MYO3A: variants seen among roughly 807,000 people sequenced by gnomAD.
MYO3A encodes myosin IIIA.
A neutral mutation model predicts 192.7 loss-of-function variants in MYO3A; 180 were observed. That is an observed-to-expected ratio of 0.93 (90% confidence interval 0.83 to 1.06). The LOEUF is 1.06. Ranked by LOEUF, MYO3A falls within the 50% of genes least tolerant of loss-of-function variation. The pLI, the probability that MYO3A is intolerant of heterozygous loss-of-function variation, is 0.00. For missense variants in MYO3A, 1,896 were observed against 1,905.0 expected (o/e 1.00, Z 0.09); for synonymous variants, 628 against 645.3 (o/e 0.97, Z 0.41).
At chr10:26,135,215 G>C (rs1839776419) in intron 20 of MYO3A, among the ~76,000 whole-genome samples, 1 of 152,042 alleles carries the variant, frequency 6.6e-6, no homozygotes, top group African/African-American at 2.4e-5. Flanking sequence ...AAAGAACAGG[G>C]ATCTAGTAAA....
chr10:25,991,618 G>A (rs189112115), intron 4 of MYO3A, among the ~76,000 whole-genome samples: 12 of 152,244 alleles, frequency 7.9e-5, no homozygotes, highest in African/African-American at 2.9e-4. Context: ...TAATGCCTAG[G>A]TTTTCTCCTA....
At chr10:25,968,366 G>T (rs1013576370) in intron 4 of MYO3A, among the ~76,000 whole-genome samples, 14 of 152,100 alleles carry the variant, frequency 9.2e-5, no homozygotes, top group Admixed American at 7.9e-4. Flanking sequence ...AAAAAATGAA[G>T]AATTTACTGG....
At chr10:25,986,348 C>T (rs1839653151) in intron 4 of MYO3A, among the ~76,000 whole-genome samples, 1 of 152,172 alleles carries the variant, frequency 6.6e-6, no homozygotes, top group Non-Finnish European at 1.5e-5. Flanking sequence ...ACTCGAATTC[C>T]TTGCCAGAGC....
At chr10:26,102,216 C>T (rs1233174520) in intron 17 of MYO3A, among the ~76,000 whole-genome samples, 1 of 152,186 alleles carries the variant, frequency 6.6e-6, no homozygotes, top group Non-Finnish European at 1.5e-5. Flanking sequence ...GCATGCGTCA[C>T]ATAGTTCTCG....
Position 26,173,754 on chromosome 10 carries a change from G to A in MYO3A, c.3490G>A (p.Val1164Met). ...AAATAATAAAGGAAGTGTATCTGTA[G>A]TGAAGACTTCCACTTTCAAACCTGA... ...APNNKGSVSVVKTSTFKPEEE... is the reference protein window; with the variant it reads ...APNNKGSVSVMKTSTFKPEEE... Residue 1164 changes from valine (V) to methionine (M), a missense_variant, in exon 30 of 35, where the codon GTG (valine) becomes ATG (methionine). Coordinates refer to ENST00000642920, the MANE Select transcript of MYO3A (RefSeq NM_017433.5). 6.2e-7 allele frequency: 1 copy of A among 1,613,928 alleles called. No homozygotes were observed. Among genetic ancestry groups the A allele is most frequent in the Middle Eastern group, 1.6e-4 (1 of 6,062 alleles).
At chr10:26,071,678 T>C (rs1286176547) in intron 14 of MYO3A, among the ~76,000 whole-genome samples, 1 of 152,052 alleles carries the variant, frequency 6.6e-6, no homozygotes, top group East Asian at 1.9e-4. Flanking sequence ...CAATAAGAAA[T>C]GAAATGACAA....
intron 2 of MYO3A, among the ~76,000 whole-genome samples, chr10:25,941,285 A>G (rs1836469414): frequency 2.0e-5 from 3 of 152,232 alleles, no homozygotes. Flanking sequence ...GACAGGGACC[A>G]TAGAGAGCCA....
intron 14 of MYO3A, among the ~76,000 whole-genome samples, chr10:26,070,658 G>A (rs548095089): frequency 1.3e-5 from 2 of 152,112 alleles, no homozygotes; most frequent in South Asian, 2.1e-4. Flanking sequence ...TTTAGTCCCA[G>A]TGCATTTATT....
At chr10:26,083,554 A>AT (rs1167580391) in intron 14 of MYO3A, among the ~76,000 whole-genome samples, 3 of 151,938 alleles carry the variant, frequency 2.0e-5, no homozygotes, top group Non-Finnish European at 4.4e-5. Flanking sequence ...GAGAGTGCGC[A>AT]TTTTTTGCAT....
At chr10:26,147,044 C>T (rs1840505259) in intron 22 of MYO3A, among the ~76,000 whole-genome samples, 1 of 152,160 alleles carries the variant, frequency 6.6e-6, no homozygotes, top group African/African-American at 2.4e-5. Flanking sequence ...AAAAATCTAT[C>T]ATGGCCAATT....
rs369479949 is a variant in MYO3A, at chr10:26,198,220, T to C, written c.4546-3045T>C. Among the ~76,000 whole-genome samples, 246 of 152,324 alleles carry C rather than the reference T, an allele frequency of 1.6e-3. 9 individuals carry two copies. The South Asian group carries it at 0.049, about 31-fold the overall frequency. On this transcript the variant is annotated intron_variant, in intron 32 of 34. Transcript: ENST00000642920. Reference sequence around the variant, plus strand: ...GCGGCCTTAAAATCAGTATTGCCTCTTTCCTATGACTTGATGCTCTTTATC... The same window carrying C: ...GCGGCCTTAAAATCAGTATTGCCTCCTTCCTATGACTTGATGCTCTTTATC...
intron 20 of MYO3A, among the ~76,000 whole-genome samples, chr10:26,138,194 G>A (rs150815829): frequency 8.3e-4 from 127 of 152,248 alleles, no homozygotes; most frequent in African/African-American, 2.7e-3. Context: ...TGGGCATCAC[G>A]GTCCTACTGA....
chr10:26,177,767 G>C (rs1842405915), intron 31 of MYO3A, among the ~76,000 whole-genome samples: 1 of 152,192 alleles, frequency 6.6e-6, no homozygotes, highest in African/African-American at 2.4e-5. Context: ...GAGTTTGGCT[G>C]TTACCAAAGA....
chr10:25,960,783 G>A (rs1365865274), intron 4 of MYO3A, among the ~76,000 whole-genome samples: 2 of 152,028 alleles, frequency 1.3e-5, no homozygotes, highest in Admixed American at 1.3e-4. Flanking sequence ...GGATGGTCTT[G>A]CTGTCTCAGG....
intron 17 of MYO3A, among the ~76,000 whole-genome samples, chr10:26,110,524 A>G (rs1218699170): frequency 6.6e-6 from 1 of 152,178 alleles, no homozygotes; most frequent in African/African-American, 2.4e-5. Context: ...TTAAGCAGCA[A>G]AGGTTGTCAG....
chr10:25,950,084 A>G (rs969411325), intron 2 of MYO3A, among the ~76,000 whole-genome samples: 1 of 152,172 alleles, frequency 6.6e-6, no homozygotes, highest in Non-Finnish European at 1.5e-5. Context: ...GAATAACAGG[A>G]TAAGTGGAGA....
intron 6 of MYO3A, among the ~76,000 whole-genome samples, chr10:26,016,082 G>A (rs1841966143): frequency 6.6e-6 from 1 of 152,124 alleles, no homozygotes; most frequent in Admixed American, 6.5e-5. Context: ...CTTGTGTGAG[G>A]AGCAGGAGTG....
chr10:26,167,555 G>C (rs1268546242), intron 27 of MYO3A, among the ~76,000 whole-genome samples: 1 of 152,082 alleles, frequency 6.6e-6, no homozygotes, highest in Admixed American at 6.5e-5. Flanking sequence ...TATTTAAGTA[G>C]CATTTTAAAG....
intron 4 of MYO3A, among the ~76,000 whole-genome samples, chr10:25,991,321 A>G (rs4581337): frequency 0.91 from 138,434 of 152,256 alleles, 63,210 homozygotes; most frequent in African/African-American, 0.95. Context: ...CTTTTGAGAA[A>G]TGTCTGTTCA....
Sources: gnomAD v4.1 joint callset for allele counts (sites outside exome capture counted in the v4.1 genomes callset) on GRCh38, gnomAD v4.1.1 for gene constraint, MANE v1.5 for transcripts, NCBI Gene and HGNC (gene_info 2026-07-23, HGNC 2026-07-21) for gene names.